The following OTUD4 variants were observed in gnomAD, a reference collection of about 807,000 sequenced individuals.
OTUD4 encodes OTU deubiquitinase 4.
Under a neutral mutation model 130.4 loss-of-function variants are expected in OTUD4, and 24 were observed. The ratio of observed to expected loss-of-function variants is 0.18; its 90% CI spans 0.13 to 0.26. OTUD4 has a LOEUF of 0.26. Ranked by LOEUF, OTUD4 falls within the 10% of genes least tolerant of loss-of-function variation. The pLI is 1.00. For synonymous variants in OTUD4, 420 were observed against 472.5 expected, an observed-to-expected ratio of 0.89 and a Z score of 1.44; for missense variants, 1,031 against 1,329.4, an observed-to-expected ratio of 0.78 and a Z score of 3.49.
intron 8 of OTUD4, 125 bp from the exon 9 acceptor site, chr4:145,155,811 A>C: frequency 1.0e-6 from 1 of 991,644 alleles, no homozygotes; most frequent in Middle Eastern, 2.2e-4. Context: ...CCACCAAATC[A>C]ATTTCTGAGT....
chr4:145,137,666 C>A lies in OTUD4; in HGVS notation c.3109G>T (p.Gly1037Cys), dbSNP rs1204685112. ...TGATTATAGAACTGCTTGGATCTACCACTTCTCAAAATATTAGACACTTCA... is the reference window on the plus strand; with the variant it reads ...TGATTATAGAACTGCTTGGATCTACAACTTCTCAAAATATTAGACACTTCA... Reference protein sequence around the residue: ...ENEVSNILRSGRSKQFYNQTY... With the variant: ...ENEVSNILRSCRSKQFYNQTY... The change falls in exon 21 of 21, where the codon GGT becomes TGT. Residue 1037 changes from glycine to cysteine, a missense_variant. Around this residue, in one of 3 missense-constraint regions of OTUD4, gnomAD observed 900 missense variants for 1,095.9 expected, o/e 0.82. Coordinates refer to ENST00000447906, the MANE Select transcript of OTUD4 (RefSeq NM_001366057.1). 1.2e-6 allele frequency: 2 copies of A among 1,613,688 alleles called. No homozygotes were observed. The highest frequency in any genetic ancestry group is 1.7e-6 in the Non-Finnish European group (2 of 1,179,924).
intron 20 of OTUD4, among the ~76,000 whole-genome samples, chr4:145,139,627 A>C (rs982405976): frequency 3.9e-5 from 6 of 152,224 alleles, no homozygotes; most frequent in Admixed American, 3.9e-4. Flanking sequence ...TCAGCTAAAG[A>C]GTGATGGAGC....
chr4:145,161,141 C>A (rs1470429986), intron 6 of OTUD4, among the ~76,000 whole-genome samples: 2 of 151,954 alleles, frequency 1.3e-5, no homozygotes, highest in Non-Finnish European at 2.9e-5. Context: ...ACAACAACAA[C>A]AAACACTGGG....
intron 7 of OTUD4, among the ~76,000 whole-genome samples, chr4:145,156,445 A>AGGC (rs921150066): frequency 4.6e-5 from 7 of 152,214 alleles, no homozygotes; most frequent in Non-Finnish European, 8.8e-5. Context: ...GGACTTTGGG[A>AGGC]GGCACAGGCA....
chr4:145,152,812 G>A (rs1467669742), intron 10 of OTUD4, among the ~76,000 whole-genome samples, 177 bp from the exon 11 acceptor site: 1 of 151,438 alleles, frequency 6.6e-6, no homozygotes, highest in Non-Finnish European at 1.5e-5. Flanking sequence ...CACCTCCCTG[G>A]TTCAAGCCTG....
intron 1 of OTUD4, among the ~76,000 whole-genome samples, chr4:145,176,094 C>A (rs1168993841): frequency 1.3e-5 from 2 of 150,768 alleles, no homozygotes; most frequent in Non-Finnish European, 3.0e-5. Context: ...CAGGGTTTCA[C>A]CATGTTGGGC....
At chr4:145,179,771 GTCCC>G in intron 1 of OTUD4, 40 bp downstream of exon 1, 5 of 1,020,960 alleles carry the variant, frequency 4.9e-6, no homozygotes, top group Non-Finnish European at 6.6e-6. Flanking sequence ...CCGCCGGGCC[GTCCC>G]CGCCTCCCCT....
intron 10 of OTUD4, 135 bp from the exon 11 acceptor site, chr4:145,152,770 G>A: frequency 6.7e-6 from 4 of 592,796 alleles, no homozygotes; most frequent in Non-Finnish European, 9.0e-6. Context: ...AGGCTGAAGT[G>A]CAGAGGCACA....
chr4:145,158,349 G>A lies in OTUD4; in HGVS notation c.629+1154C>T, dbSNP rs542391812. On this transcript the variant is annotated intron_variant, in intron 7 of 20. Coordinates refer to ENST00000447906, the MANE Select transcript of OTUD4 (RefSeq NM_001366057.1). ...TACAAAAAATTAGCCAGGCTTGGTG[G>A]CGGGCGCCTGTAGTCCCAGCTACTT... Among the ~76,000 whole-genome samples the A allele has an allele frequency of 1.7e-4, 26 of 152,172 alleles. 1 individual carries two copies. In the South Asian group the frequency reaches 5.4e-3, roughly 32 times the overall value.
chr4:145,153,408 C>G (rs1751152030), intron 10 of OTUD4, among the ~76,000 whole-genome samples: 1 of 152,090 alleles, frequency 6.6e-6, no homozygotes, highest in Non-Finnish European at 1.5e-5. Flanking sequence ...CAAAATGGAG[C>G]TAATAATAGT....
intron 3 of OTUD4, among the ~76,000 whole-genome samples, chr4:145,166,896 G>C (rs1254619768): frequency 6.6e-6 from 1 of 152,154 alleles, no homozygotes; most frequent in Non-Finnish European, 1.5e-5. Flanking sequence ...TCATTCAAAA[G>C]AATGAGGTAT....
chr4:145,162,462 G>C (rs944589955), intron 6 of OTUD4, among the ~76,000 whole-genome samples, 178 bp downstream of exon 6: 10 of 152,098 alleles, frequency 6.6e-5, no homozygotes, highest in African/African-American at 2.4e-4. Context: ...GCTGAGGCAG[G>C]AGTGGCATGA....
chr4:145,155,002 C>G (rs1419700659), intron 10 of OTUD4, among the ~76,000 whole-genome samples: 1 of 152,112 alleles, frequency 6.6e-6, no homozygotes, highest in Non-Finnish European at 1.5e-5. Context: ...TTCCTCAGTC[C>G]AACAGTAAAT....
intron 10 of OTUD4, among the ~76,000 whole-genome samples, chr4:145,152,884 CTTT>C (rs34004833): frequency 2.1e-5 from 3 of 143,034 alleles, no homozygotes; most frequent in East Asian, 2.0e-4. Context: ...CCACACTCGG[CTTT>C]TTTTTTTTTT....
At chr4:145,151,386 A>G (rs1232218623) in intron 11 of OTUD4, among the ~76,000 whole-genome samples, 4 of 152,212 alleles carry the variant, frequency 2.6e-5, no homozygotes, top group Admixed American at 2.0e-4. Context: ...CTGTAATCCC[A>G]GCACTTAGGG....
intron 14 of OTUD4, among the ~76,000 whole-genome samples, chr4:145,145,760 G>A (rs1716951386): frequency 6.6e-6 from 1 of 152,106 alleles, no homozygotes; most frequent in Non-Finnish European, 1.5e-5. Flanking sequence ...AAAGAATTAA[G>A]AAACCTGAAG....
chr4:145,159,066 T>A (rs36225834), intron 7 of OTUD4: 1 of 801,500 alleles, frequency 1.2e-6, no homozygotes, highest in African/African-American at 1.9e-5. Flanking sequence ...TTCACATACT[T>A]ATAACCCCAA....
intron 6 of OTUD4, among the ~76,000 whole-genome samples, chr4:145,161,625 C>G (rs1751573117): frequency 6.6e-6 from 1 of 152,182 alleles, no homozygotes; most frequent in African/African-American, 2.4e-5. Context: ...TTGGCAAAAT[C>G]TGGAAATATT....
At chr4:145,140,706 T>C (rs1462724299) in intron 19 of OTUD4, among the ~76,000 whole-genome samples, 2 of 152,212 alleles carry the variant, frequency 1.3e-5, no homozygotes, top group Non-Finnish European at 2.9e-5. Flanking sequence ...CACGGATGCA[T>C]GTCTGAAATG....
Sources: allele counts gnomAD v4.1 joint callset (sites outside exome capture counted in the v4.1 genomes callset), GRCh38; gene constraint gnomAD v4.1.1; regional missense constraint gnomAD v4.1.1; transcripts MANE v1.5; gene names NCBI Gene and HGNC (gene_info 2026-07-23, HGNC 2026-07-21).